The following SIK3 variants were observed in gnomAD, a reference collection of about 807,000 sequenced individuals.
The protein encoded by SIK3 is SIK family kinase 3, also known as serine/threonine-protein kinase SIK3.
A neutral mutation model predicts 144.2 loss-of-function variants in SIK3; 28 were observed. The ratio of observed to expected loss-of-function variants is 0.19; its 90% CI spans 0.14 to 0.27. The LOEUF (loss-of-function observed/expected upper bound fraction) is 0.27. SIK3 is among the 10% of genes least tolerant of loss of function. SIK3 has a pLI of 1.00. For missense variants in SIK3, 1,319 were observed against 1,776.0 expected (o/e 0.74, Z 4.62); for synonymous variants, 686 against 676.3 (o/e 1.01, Z -0.22).
chr11:117,013,915 GGTGT>G (rs71037441), intron 1 of SIK3, among the ~76,000 whole-genome samples: 19 of 23,638 alleles, frequency 8.0e-4, no homozygotes, highest in African/African-American at 1.7e-3. Context: ...GGGGGGGGAG[GGTGT>G]GTGTGTGTGT....
intron 1 of SIK3, among the ~76,000 whole-genome samples, chr11:116,969,191 G>A (rs1000024841): frequency 6.0e-5 from 9 of 150,410 alleles, no homozygotes; most frequent in Non-Finnish European, 1.2e-4. Flanking sequence ...TCGGGAGGCT[G>A]AGGCAGAAGA....
chr11:116,891,705 TG>T (rs1462690703), intron 6 of SIK3, among the ~76,000 whole-genome samples: 2 of 152,166 alleles, frequency 1.3e-5, no homozygotes, highest in Non-Finnish European at 2.9e-5. Flanking sequence ...TATGTGTGTG[TG>T]TGGTATGTTT....
chr11:117,076,152 T>A (rs761767226), intron 1 of SIK3, among the ~76,000 whole-genome samples: 3 of 151,980 alleles, frequency 2.0e-5, no homozygotes, highest in Non-Finnish European at 4.4e-5. Flanking sequence ...CCCGGCCAGT[T>A]ACTGATACTC....
In SIK3 at chr11:116,867,897, C is replaced by A; in HGVS notation, c.1952+49G>T. ...CGCTGTGAGACTAATCAGAAGGGTG[C>A]CTGTCCGATGAGCCTCAAGGAGCTC... On this transcript the variant is annotated intron_variant, in intron 15 of 24. Coordinates refer to ENST00000445177, the MANE Select transcript of SIK3 (RefSeq NM_001366686.3). This position sits in a 1 kb window ranked among gnomAD's most constrained non-coding sequence, Gnocchi z 4.1. The A allele has an allele frequency of 6.9e-7, 1 of 1,458,614 alleles. No individual in the cohort carries two copies. 90.4% of individuals were successfully genotyped at this position (1,458,614 alleles called of 1,614,324 possible).
chr11:116,886,860 A>G (rs1490068857), intron 6 of SIK3, among the ~76,000 whole-genome samples: 1 of 152,244 alleles, frequency 6.6e-6, no homozygotes, highest in Non-Finnish European at 1.5e-5. Context: ...AAGCCAGGCC[A>G]GGTTTCACCT....
Position 116,867,621 on chromosome 11 carries a change from T to C in SIK3, c.1952+325A>G, listed in dbSNP as rs954341423. On this transcript the variant is annotated intron_variant, in intron 15 of 24. Transcript: ENST00000445177. This position sits in a 1 kb window ranked among gnomAD's most constrained non-coding sequence, Gnocchi z 4.1. ...GGCTAAAAATCTTCCTGTTTCCAGG[T>C]GGCCTTCTGAGAGTTTCACTTTCTT... The C allele has an allele frequency of 8.7e-6, 2 of 229,894 alleles. No homozygotes were observed. Among genetic ancestry groups the C allele is most frequent in the Non-Finnish European group, 1.7e-5 (2 of 119,270 alleles). The allele number at this position is 229,894 out of a possible 1,614,324, so 14.2% of individuals were successfully genotyped here.
intron 1 of SIK3, among the ~76,000 whole-genome samples, chr11:117,013,865 C>T (rs1210865413): frequency 1.9e-5 from 2 of 106,170 alleles, no homozygotes; most frequent in East Asian, 5.5e-4. Flanking sequence ...AGCCAGGTCC[C>T]CAAAAGGACA....
chr11:116,901,765 A>G (rs563506359), intron 4 of SIK3, among the ~76,000 whole-genome samples: 2 of 152,298 alleles, frequency 1.3e-5, no homozygotes, highest in African/African-American at 4.8e-5. Context: ...GTGGGCACTT[A>G]ATGTTGACTA....
rs1377281695 is a variant in SIK3, at chr11:116,873,601, C to T, written c.1617G>A (p.Leu539=). The change falls in exon 13 of 25, where the codon CTG becomes CTA. Residue 539 remains leucine, a synonymous_variant. Coordinates refer to ENST00000445177, the MANE Select transcript of SIK3 (RefSeq NM_001366686.3). ...GGCCAAGGGGGCCCATTCCATTCAACAGCTGTAGCGTGGGCGGCTGTAGGA... is the reference window on the plus strand; with the variant it reads ...GGCCAAGGGGGCCCATTCCATTCAATAGCTGTAGCGTGGGCGGCTGTAGGA... ...QSLLQPPTLQ[L]LNGMGPLGRR... is the part of the protein sequence containing the mutation. 1.1e-5 allele frequency: 18 copies of T among 1,594,198 alleles called. No individual in the cohort carries two copies. The highest frequency in any genetic ancestry group is 2.2e-5 in the East Asian group (1 of 44,770).
intron 3 of SIK3, among the ~76,000 whole-genome samples, chr11:116,937,784 T>C (rs1947999463): frequency 6.6e-6 from 1 of 152,202 alleles, no homozygotes; most frequent in African/African-American, 2.4e-5. Context: ...CTTGTTTCAT[T>C]TTCCTCTCCA....
intron 4 of SIK3, among the ~76,000 whole-genome samples, chr11:116,926,937 C>T (rs1285942353): frequency 6.7e-6 from 1 of 149,660 alleles, no homozygotes; most frequent in Non-Finnish European, 1.5e-5. Context: ...AGGAGAATCG[C>T]TTGAACCTGG....
intron 4 of SIK3, among the ~76,000 whole-genome samples, chr11:116,925,255 A>G (rs1947212437): frequency 6.6e-6 from 1 of 152,194 alleles, no homozygotes; most frequent in Non-Finnish European, 1.5e-5. Flanking sequence ...TCTCGAAAAC[A>G]AAAACAAAAA....
At chr11:117,060,685 A>G (rs1055905639) in intron 1 of SIK3, among the ~76,000 whole-genome samples, 2 of 152,136 alleles carry the variant, frequency 1.3e-5, no homozygotes, top group Non-Finnish European at 2.9e-5. Flanking sequence ...TAGGGTAGTG[A>G]AATTATTCTG....
intron 22 of SIK3, 34 bp from the exon 23 acceptor site, chr11:116,847,642 A>G (rs1352697291): frequency 1.2e-6 from 2 of 1,612,816 alleles, no homozygotes; most frequent in African/African-American, 1.3e-5. Context: ...AAATAAGCAC[A>G]CAAGACACCA....
At chr11:116,920,397 T>C (rs1946897861) in intron 4 of SIK3, among the ~76,000 whole-genome samples, 1 of 152,218 alleles carries the variant, frequency 6.6e-6, no homozygotes, top group East Asian at 1.9e-4. Flanking sequence ...CTTTGCATTG[T>C]TCTTCTTTCT....
At chr11:116,948,400 C>T (rs1008927277) in intron 3 of SIK3, among the ~76,000 whole-genome samples, 1 of 152,150 alleles carries the variant, frequency 6.6e-6, no homozygotes, top group Non-Finnish European at 1.5e-5. Flanking sequence ...GCCTCAGCCT[C>T]CTAAGTAGCT....
chr11:117,036,422 T>C (rs2135827935), intron 1 of SIK3, among the ~76,000 whole-genome samples: 1 of 152,238 alleles, frequency 6.6e-6, no homozygotes, highest in African/African-American at 2.4e-5. Context: ...AGTCAGAACT[T>C]GTGAAGAAAG....
chr11:116,847,033 G>A (rs573479433), intron 23 of SIK3, among the ~76,000 whole-genome samples: 14 of 152,164 alleles, frequency 9.2e-5, no homozygotes, highest in Non-Finnish European at 1.5e-4. Context: ...TGAGGATCTC[G>A]GGGTCCAGAA....
At chr11:117,053,338 G>GAA (rs754157839) in intron 1 of SIK3, among the ~76,000 whole-genome samples, 1 of 121,404 alleles carries the variant, frequency 8.2e-6, no homozygotes. Flanking sequence ...CTCTGTCTTG[G>GAA]AAAAAAAAAA....
Sources: gnomAD v4.1 joint callset for allele counts (sites outside exome capture counted in the v4.1 genomes callset) on GRCh38, gnomAD v4.1.1 for gene constraint, Gnocchi (gnomAD v3.1) non-coding constraint, MANE v1.5 for transcripts, NCBI Gene and HGNC (gene_info 2026-07-23, HGNC 2026-07-21) for gene names.